PDE6C: variants seen among roughly 807,000 people sequenced by gnomAD.
PDE6C encodes the protein cone cGMP-specific 3',5'-cyclic phosphodiesterase subunit alpha'.
Under a neutral mutation model 113.1 loss-of-function variants are expected in PDE6C, and 75 were observed. The observed-to-expected ratio is 0.66, with a 90% confidence interval of 0.55 to 0.80. PDE6C has a LOEUF of 0.80. Among genes scored for constraint, PDE6C ranks in the 30% least tolerant of loss-of-function variants. The pLI is 0.00. For synonymous variants in PDE6C, 375 were observed against 363.7 expected (o/e 1.03, Z -0.35); for missense variants, 912 against 1,038.6 (o/e 0.88, Z 1.67).
intron 16 of PDE6C, among the ~76,000 whole-genome samples, chr10:93,656,803 A>G (rs188386174): frequency 3.3e-4 from 50 of 152,036 alleles, no homozygotes; most frequent in Non-Finnish European, 6.6e-4. Flanking sequence ...TCCCGACCTC[A>G]ACTGATCTGC....
intron 20 of PDE6C, 52 bp from the exon 21 acceptor site, chr10:93,662,976 C>G (rs2058673046): frequency 6.7e-7 from 1 of 1,502,784 alleles, no homozygotes; most frequent in African/African-American, 1.4e-5. Context: ...ATGAAAGATC[C>G]TGAAAATTAA....
chr10:93,627,563 G>A (rs1564797816), intron 7 of PDE6C, among the ~76,000 whole-genome samples: 1 of 152,144 alleles, frequency 6.6e-6, no homozygotes, highest in Non-Finnish European at 1.5e-5. Context: ...GGTGTGGGAT[G>A]TGGAACTTTT....
rs759772837 is a variant in PDE6C, at chr10:93,655,800, A to C, written c.1976A>C (p.Glu659Ala). 1 of 1,610,356 alleles carries C rather than the reference A, an allele frequency of 6.2e-7. No individual in the cohort carries two copies. Among genetic ancestry groups the C allele is most frequent in the Non-Finnish European group, 8.5e-7 (1 of 1,176,664 alleles). ...IFQNLNKRQF[E>A]TVIHLFEVAI... ...CAGAACCTAAATAAGCGGCAGTTTG[A>C]AACAGTTATTCATTTGTTCGAGGTC... is the stretch of plus-strand genomic sequence containing the variant. Residue 659 changes from glutamate (E) to alanine (A), a missense_variant, in exon 16 of 22, where the codon GAA becomes GCA. Physicochemically the swap from Glu to Ala is moderately radical, Grantham distance 107. Coordinates refer to ENST00000371447, the MANE Select transcript of PDE6C (RefSeq NM_006204.4).
intron 1 of PDE6C, among the ~76,000 whole-genome samples, chr10:93,616,902 T>A (rs144984378): frequency 1.3e-5 from 2 of 152,202 alleles, no homozygotes; most frequent in Non-Finnish European, 2.9e-5. Context: ...TCTGCCCACA[T>A]AGGCCTCCCA....
rs1028161519 is a variant in PDE6C at position 93,630,448 on chromosome 10, T to A, written c.1119+1143T>A. Among the ~76,000 whole-genome samples the A allele has an allele frequency of 9.1e-5, 13 of 142,586 alleles. No individual in the cohort carries two copies. In the East Asian group the frequency reaches 2.4e-3, roughly 26 times the overall value. 93.5% of individuals were successfully genotyped at this position (142,586 alleles called of 152,430 possible). A position where few individuals can be genotyped will look rare whatever the true frequency, so the allele number is the denominator to read the frequency against. ...CCCTTCTCTACCTGCCCATCCCTCC[T>A]CACCTGTCATCTCTGCCACCCACTC... On this transcript the variant is annotated intron_variant, in intron 8 of 21. Coordinates refer to ENST00000371447, the MANE Select transcript of PDE6C (RefSeq NM_006204.4).
intron 21 of PDE6C, among the ~76,000 whole-genome samples, chr10:93,664,626 T>A (rs538334129): frequency 2.0e-5 from 3 of 152,334 alleles, no homozygotes; most frequent in Admixed American, 2.0e-4. Context: ...AACTTTATTA[T>A]GAAGAGATGA....
intron 15 of PDE6C, among the ~76,000 whole-genome samples, chr10:93,654,793 T>TCTTTC (rs2058627151): frequency 9.4e-6 from 1 of 105,930 alleles, no homozygotes; most frequent in Admixed American, 1.1e-4. Flanking sequence ...TTTCTTTCTT[T>TCTTTC]CTTTCTTTCT....
At chr10:93,635,434 G>T in intron 9 of PDE6C, 63 bp from the exon 10 acceptor site, 1 of 1,328,122 alleles carries the variant, frequency 7.5e-7, no homozygotes, top group Non-Finnish European at 1.1e-6. Flanking sequence ...CGTGCAGATT[G>T]TTGCCTCCAA....
intron 8 of PDE6C, among the ~76,000 whole-genome samples, chr10:93,629,885 C>T (rs1472959341): frequency 6.6e-6 from 1 of 152,124 alleles, no homozygotes; most frequent in Non-Finnish European, 1.5e-5. Flanking sequence ...GCTGTACAAC[C>T]TGCTGGTTCC....
chr10:93,618,177 AC>A (rs2058428889), intron 1 of PDE6C, among the ~76,000 whole-genome samples: 1 of 152,188 alleles, frequency 6.6e-6, no homozygotes, highest in African/African-American at 2.4e-5. Flanking sequence ...AAAAATTAAA[AC>A]TAGAAGCAAA....
intron 1 of PDE6C, among the ~76,000 whole-genome samples, chr10:93,617,401 A>G (rs1225400010): frequency 2.2e-4 from 33 of 152,230 alleles, no homozygotes; most frequent in Admixed American, 2.2e-3. Flanking sequence ...CAGTCCATTG[A>G]ACTTAACATT....
At chr10:93,658,327 T>C (rs527496425) in intron 16 of PDE6C, among the ~76,000 whole-genome samples, 9 of 152,244 alleles carry the variant, frequency 5.9e-5, no homozygotes, top group African/African-American at 2.2e-4. Flanking sequence ...TTGTTCAAAT[T>C]TGTAGTTTCT....
intron 15 of PDE6C, among the ~76,000 whole-genome samples, chr10:93,651,255 C>G (rs1409072115): frequency 6.6e-6 from 1 of 152,176 alleles, no homozygotes; most frequent in African/African-American, 2.4e-5. Flanking sequence ...CAAACATTCT[C>G]TCACCAATTC....
intron 12 of PDE6C, 32 bp from the exon 13 acceptor site, chr10:93,640,418 T>C (rs759576873): frequency 6.6e-7 from 1 of 1,524,064 alleles, no homozygotes; most frequent in Non-Finnish European, 9.1e-7. Context: ...AGAATTCTAT[T>C]CCAAAGTCTG....
At chr10:93,622,144 C>T in intron 4 of PDE6C, 72 bp downstream of exon 4, 1 of 1,388,230 alleles carries the variant, frequency 7.2e-7, no homozygotes, top group Non-Finnish European at 1.0e-6. Flanking sequence ...AAATGTGATC[C>T]TTAAAAAACA....
In PDE6C at chr10:93,634,814, T is replaced by C. The variant is rs765966527; in HGVS notation, c.1176T>C (p.Ile392=). The change falls in exon 9 of 22, where the codon ATT becomes ATC. Residue 392 remains isoleucine (I), a synonymous_variant. Coordinates refer to ENST00000371447, the MANE Select transcript of PDE6C (RefSeq NM_006204.4). ...WVIKNVLSLP[I]VNKKEDIVGV... ...TTAAGAATGTTTTGTCCCTGCCTAT[T>C]GTCAACAAGAAAGAAGATATTGTGG... is the stretch of plus-strand genomic sequence containing the variant. 70 of 1,614,030 alleles carry C rather than the reference T, an allele frequency of 4.3e-5. No homozygotes were observed. The highest frequency in any genetic ancestry group is 5.9e-5 in the Non-Finnish European group (70 of 1,180,004).
chr10:93,614,189 T>C (rs2058408714), intron 1 of PDE6C, among the ~76,000 whole-genome samples: 1 of 152,164 alleles, frequency 6.6e-6, no homozygotes, highest in African/African-American at 2.4e-5. Context: ...GGGAACAACT[T>C]GTGAAATGCT....
Position 93,658,086 on chromosome 10 carries a change from C to A in PDE6C, c.2037-815C>A, listed in dbSNP as rs958107287. On this transcript the variant is annotated intron_variant, in intron 16 of 21. Transcript: ENST00000371447. Reference sequence around the variant, plus strand: ...TCGGTAGGCTGAAGTGGGAGGATCCCTTAAGCCTAGGAGTTCAAGGTTCCA... The same window carrying A: ...TCGGTAGGCTGAAGTGGGAGGATCCATTAAGCCTAGGAGTTCAAGGTTCCA... 5.0e-5 allele frequency among the ~76,000 whole-genome samples: 7 copies of A among 138,680 alleles called. No individual in the cohort carries two copies. In the East Asian group the frequency reaches 1.7e-3, roughly 34 times the overall value. 91.0% of individuals were successfully genotyped at this position (138,680 alleles called of 152,430 possible). A position where few individuals can be genotyped will look rare whatever the true frequency, so the allele number is the denominator to read the frequency against.
rs756525787 is a variant in PDE6C, at chr10:93,620,974, A to T, written c.717A>T (p.Arg239Ser). The change falls in exon 3 of 22, where the codon AGA becomes AGT. Residue 239 changes from arginine to serine, a missense_variant. Physicochemically the swap from Arg to Ser is moderately radical, Grantham distance 110. Transcript: ENST00000371447. ...ACATGTACAATATTGAATCCCGAAG[A>T]AGCCAGGTAAAAGGAAGGCAGCATT... ...TSYMYNIESR[R>S]SQILMWSANK... The T allele has an allele frequency of 1.9e-6, 3 of 1,613,084 alleles. No homozygotes were observed. Among genetic ancestry groups the T allele is most frequent in the Non-Finnish European group, 2.5e-6 (3 of 1,179,042 alleles).
Sources: allele counts gnomAD v4.1 joint callset (sites outside exome capture counted in the v4.1 genomes callset), GRCh38; gene constraint gnomAD v4.1.1; transcripts MANE v1.5; gene names NCBI Gene and HGNC (gene_info 2026-07-23, HGNC 2026-07-21).